The following HSD17B12 variants were observed in gnomAD, a reference collection of about 807,000 sequenced individuals.
HSD17B12 encodes the protein very-long-chain 3-oxoacyl-CoA reductase.
A neutral mutation model predicts 39.3 loss-of-function variants in HSD17B12; 32 were observed. The ratio of observed to expected loss-of-function variants is 0.81; its 90% confidence interval spans 0.61 to 1.09. HSD17B12 has a LOEUF of 1.09. Ranked by LOEUF, HSD17B12 falls within the 50% of genes least tolerant of loss-of-function variation. The probability of loss-of-function intolerance (pLI) is 0.00; values close to 1 mark genes in which losing one functional copy is unlikely to be tolerated. For missense variants in HSD17B12, 342 were observed against 382.9 expected, an observed-to-expected ratio of 0.89 and a Z score of 0.89; for synonymous variants, 150 against 146.7, an observed-to-expected ratio of 1.02 and a Z score of -0.16.
intron 1 of HSD17B12, chr11:43,733,691 G>C (rs1180534457): frequency 2.0e-6 from 1 of 499,702 alleles, no homozygotes; most frequent in Non-Finnish European, 3.8e-6. Flanking sequence ...TTAAAAAAAG[G>C]GGTTTAGGGG....
the HSD17B12 span, among the ~76,000 whole-genome samples, chr11:43,589,936 A>G: frequency 5.9e-5 from 9 of 152,340 alleles, no homozygotes; most frequent in South Asian, 8.3e-4. Context: ...TATCTGTTTC[A>G]TAAGATCGTT....
chr11:43,664,523 G>T, the HSD17B12 span, among the ~76,000 whole-genome samples: 1 of 152,168 alleles, frequency 6.6e-6, no homozygotes, highest in African/African-American at 2.4e-5. Context: ...ATAACACAGG[G>T]ACATGTGTTA....
chr11:43,702,178 C>A (rs1949970865), intron 1 of HSD17B12, among the ~76,000 whole-genome samples: 1 of 152,120 alleles, frequency 6.6e-6, no homozygotes, highest in Non-Finnish European at 1.5e-5. Context: ...GATTTTGTGT[C>A]TGCAACTTTA....
chr11:43,671,191 GTC>G, the HSD17B12 span, among the ~76,000 whole-genome samples: 2 of 152,040 alleles, frequency 1.3e-5, no homozygotes. Flanking sequence ...TTGAGATGGA[GTC>G]TCACTCTGTT....
At chr11:43,772,340 G>A (rs967115997) in intron 3 of HSD17B12, among the ~76,000 whole-genome samples, 4 of 152,138 alleles carry the variant, frequency 2.6e-5, no homozygotes, top group African/African-American at 7.2e-5. Flanking sequence ...AGGTGTGCTC[G>A]TTTAAGTTGG....
the HSD17B12 span, among the ~76,000 whole-genome samples, chr11:43,583,336 C>T: frequency 1.3e-5 from 2 of 152,198 alleles, no homozygotes; most frequent in African/African-American, 2.4e-5. Context: ...CGGAGCGAGT[C>T]CTCTCCTCGC....
chr11:43,741,640 A>G (rs970150992), intron 1 of HSD17B12, among the ~76,000 whole-genome samples: 5 of 152,018 alleles, frequency 3.3e-5, no homozygotes, highest in African/African-American at 1.2e-4. Flanking sequence ...TCCCCAGACA[A>G]TATAGTTTAA....
the HSD17B12 span, among the ~76,000 whole-genome samples, chr11:43,647,968 A>C: frequency 3.2e-4 from 48 of 152,156 alleles, no homozygotes; most frequent in Non-Finnish European, 4.9e-4. Context: ...GATGATTTTT[A>C]TGGGTAGGAC....
At chr11:43,704,278 A>G (rs768990590) in intron 1 of HSD17B12, among the ~76,000 whole-genome samples, 14 of 152,252 alleles carry the variant, frequency 9.2e-5, no homozygotes, top group Non-Finnish European at 1.5e-4. Context: ...GTTGATGTAT[A>G]CTTTCTTTGT....
At chr11:43,699,518 A>T (rs1028755128) in intron 1 of HSD17B12, among the ~76,000 whole-genome samples, 2 of 152,242 alleles carry the variant, frequency 1.3e-5, no homozygotes, top group Non-Finnish European at 1.5e-5. Flanking sequence ...ACTAAGGAGT[A>T]TATATCCAAA....
chr11:43,629,573 G>C, the HSD17B12 span, among the ~76,000 whole-genome samples: 1 of 152,186 alleles, frequency 6.6e-6, no homozygotes, highest in South Asian at 2.1e-4. Context: ...CCCATTCGTG[G>C]AGTTTATTGA....
At chr11:43,744,119 A>G (rs1950392960) in intron 1 of HSD17B12, among the ~76,000 whole-genome samples, 1 of 152,194 alleles carries the variant, frequency 6.6e-6, no homozygotes, top group South Asian at 2.1e-4. Context: ...AAAGAAAAGT[A>G]AGATTAATAG....
intron 1 of HSD17B12, among the ~76,000 whole-genome samples, chr11:43,694,902 C>T (rs1364073366): frequency 1.3e-5 from 2 of 151,840 alleles, no homozygotes; most frequent in African/African-American, 4.8e-5. Context: ...GGGCCAGGCA[C>T]GGTGGCTGAC....
the HSD17B12 span, among the ~76,000 whole-genome samples, chr11:43,579,669 CGGCG>C: frequency 2.4e-4 from 36 of 152,160 alleles, no homozygotes; most frequent in East Asian, 6.8e-3. Flanking sequence ...CCCTCTGGCG[CGGCG>C]GGCGCGCAGA....
chr11:43,611,092 AT>A, the HSD17B12 span, among the ~76,000 whole-genome samples: 1 of 152,232 alleles, frequency 6.6e-6, no homozygotes, highest in Admixed American at 6.5e-5. Flanking sequence ...GGTATATAGT[AT>A]GTCAAACCGT....
chr11:43,585,435 CA>C, the HSD17B12 span, among the ~76,000 whole-genome samples: 1 of 152,126 alleles, frequency 6.6e-6, no homozygotes, highest in Non-Finnish European at 1.5e-5. Flanking sequence ...GGGAAGCTGC[CA>C]GAAATTTTTA....
chr11:43,712,034 C>T (rs1336504296), intron 1 of HSD17B12, among the ~76,000 whole-genome samples: 1 of 152,150 alleles, frequency 6.6e-6, no homozygotes, highest in Non-Finnish European at 1.5e-5. Flanking sequence ...TCATTATACC[C>T]CTCCAGCATT....
Position 43,715,794 on chromosome 11 carries a change from C to T in HSD17B12, c.160+34807C>T, listed in dbSNP as rs147740010. ...CTTGGAATGTGGCCAGTGTGACTGACGAACTGAATTTTTAATTTTGTTTCA... is the reference window on the plus strand; with the variant it reads ...CTTGGAATGTGGCCAGTGTGACTGATGAACTGAATTTTTAATTTTGTTTCA... On this transcript the variant is annotated intron_variant, in intron 1 of 10. Transcript: ENST00000278353. Among the ~76,000 whole-genome samples, 643 of 152,004 alleles carry T rather than the reference C, an allele frequency of 4.2e-3. 1 individual carries two copies. Among genetic ancestry groups the T allele is most frequent in the Non-Finnish European group, 6.0e-3 (406 of 67,976 alleles).
At chr11:43,746,266 G>A (rs1204036766) in intron 1 of HSD17B12, among the ~76,000 whole-genome samples, 1 of 151,934 alleles carries the variant, frequency 6.6e-6, no homozygotes, top group Non-Finnish European at 1.5e-5. Context: ...TTATCTTTTG[G>A]ACTTCTGTAA....
Sources: allele counts gnomAD v4.1 joint callset (sites outside exome capture counted in the v4.1 genomes callset), GRCh38; gene constraint gnomAD v4.1.1; transcripts MANE v1.5; gene names NCBI Gene and HGNC (gene_info 2026-07-23, HGNC 2026-07-21).